The following ITGAM variants were observed in gnomAD, a reference collection of about 807,000 sequenced individuals.
ITGAM encodes the protein integrin subunit alpha M.
In ITGAM, 79 loss-of-function variants were observed where a neutral mutation model predicts 137.5. The ratio of observed to expected loss-of-function variants is 0.57; its 90% confidence interval spans 0.48 to 0.69. The LOEUF (loss-of-function observed/expected upper bound fraction) is 0.69. Among genes scored for constraint, ITGAM ranks in the 30% least tolerant of loss-of-function variants. The probability of loss-of-function intolerance (pLI) is 0.00; values close to 1 mark genes in which losing one functional copy is unlikely to be tolerated. For synonymous variants in ITGAM, 583 were observed against 592.3 expected (o/e 0.98, Z 0.23); for missense variants, 1,343 against 1,483.5 (o/e 0.91, Z 1.56).
At chr16:31,302,445 T>TTC (rs1475868517) in intron 14 of ITGAM, among the ~76,000 whole-genome samples, 5 of 109,546 alleles carry the variant, frequency 4.6e-5, no homozygotes, top group Non-Finnish European at 8.3e-5. Flanking sequence ...CTTTCTTTCT[T>TTC]TCTTTCTTCC....
In ITGAM at chr16:31,270,130, C is replaced by CTTTCCTT. The variant is rs770982735; in HGVS notation, c.428-823_428-822insTTCCTTT. On this transcript the variant is annotated intron_variant, in intron 5 of 29. Coordinates refer to ENST00000544665, the MANE Select transcript of ITGAM (RefSeq NM_000632.4). Reference sequence around the variant, plus strand: ...CCTTCCTTCCTTCCTTCCTTCCTTCCTCCTTTGCTTTCCTTTCCTTTCCTT... The same window carrying CTTTCCTT: ...CCTTCCTTCCTTCCTTCCTTCCTTCCTTTCCTTTCCTTTGCTTTCCTTTCCTTTCCTT... 4.6e-3 allele frequency among the ~76,000 whole-genome samples: 414 copies of CTTTCCTT among 90,450 alleles called. 4 individuals are homozygous for CTTTCCTT. The highest frequency in any genetic ancestry group is 0.015 in the African/African-American group (341 of 23,298). 59.3% of individuals were successfully genotyped at this position (90,450 alleles called of 152,430 possible).
rs942404757 is a variant in ITGAM at position 31,324,690 on chromosome 16, C to T, written c.2197C>T (p.Leu733=). ...CCCAGTGAGCCCCATTGTGCTGCGCCTGAACTTCTCTCTGGTGGGAACGCC... is the reference window on the plus strand; with the variant it reads ...CCCAGTGAGCCCCATTGTGCTGCGCTTGAACTTCTCTCTGGTGGGAACGCC... ...EDPVSPIVLR[L]NFSLVGTPLS... Residue 733 remains leucine, a synonymous_variant, in exon 18 of 30, where the codon CTG becomes TTG. Coordinates refer to ENST00000544665, the MANE Select transcript of ITGAM (RefSeq NM_000632.4). The surrounding 1 kb of genome is among the most constrained non-coding windows in gnomAD (Gnocchi z 4.5). The T allele has an allele frequency of 1.9e-6, 3 of 1,602,378 alleles. No homozygotes were observed. The highest frequency in any genetic ancestry group is 2.6e-6 in the Non-Finnish European group (3 of 1,175,114).
At chr16:31,314,389 CTTAAG>C (rs2080368453) in intron 14 of ITGAM, among the ~76,000 whole-genome samples, 1 of 152,048 alleles carries the variant, frequency 6.6e-6, no homozygotes, top group Non-Finnish European at 1.5e-5. Flanking sequence ...TTTAATCCAT[CTTAAG>C]TTAATTTTTA....
chr16:31,264,948 A>T (rs1249453297), intron 2 of ITGAM, among the ~76,000 whole-genome samples: 1 of 151,972 alleles, frequency 6.6e-6, no homozygotes, highest in Non-Finnish European at 1.5e-5. Context: ...GCTCACTGCA[A>T]CCTCTGCCTC....
In ITGAM at chr16:31,330,131, C is replaced by T. The variant is rs1263650888; in HGVS notation, c.3027C>T (p.Asp1009=). 5 of 1,613,750 alleles carry T rather than the reference C, an allele frequency of 3.1e-6. No homozygotes were observed. The highest frequency in any genetic ancestry group is 4.2e-6 in the Non-Finnish European group (5 of 1,179,828). The change falls in exon 26 of 30, where the codon GAC becomes GAT. Residue 1009 remains aspartate (D), a synonymous_variant. Coordinates refer to ENST00000544665, the MANE Select transcript of ITGAM (RefSeq NM_000632.4). ...AGGAGCGCTTGCCCTCTCACTCCGA[C>T]TTTCTGGCTGAGCTTCGGAAGGCCC... ...HTKERLPSHS[D]FLAELRKAPV... is the part of the protein sequence containing the mutation.
intron 14 of ITGAM, among the ~76,000 whole-genome samples, chr16:31,306,956 T>C (rs577707512): frequency 6.6e-6 from 1 of 150,630 alleles, no homozygotes; most frequent in African/African-American, 2.4e-5. Context: ...TTAATTGTTG[T>C]CTGAAAAACA....
chr16:31,262,343 CCTT>C (rs2079711765), intron 2 of ITGAM, among the ~76,000 whole-genome samples: 9 of 35,448 alleles, frequency 2.5e-4, no homozygotes, highest in African/African-American at 1.0e-3. Flanking sequence ...TTCCATCCTT[CCTT>C]CCTTCCTTCC....
intron 23 of ITGAM, 156 bp from the exon 24 acceptor site, chr16:31,329,072 T>TC: frequency 2.1e-6 from 1 of 474,540 alleles, no homozygotes; most frequent in South Asian, 1.9e-5. Context: ...CACACATTGG[T>TC]TCCCCCATCC....
rs903775163 is a variant in ITGAM at position 31,324,248 on chromosome 16, AAAGG to A, written c.2003-136_2003-133del. 1.1e-4 allele frequency: 63 copies of A among 571,618 alleles called. No individual in the cohort carries two copies. Among genetic ancestry groups the A allele is most frequent in the African/African-American group, 4.3e-4 (23 of 53,780 alleles). 35.4% of individuals were successfully genotyped at this position (571,618 alleles called of 1,614,324 possible). On this transcript the variant is annotated intron_variant, in intron 16 of 29. Coordinates refer to ENST00000544665, the MANE Select transcript of ITGAM (RefSeq NM_000632.4). This position sits in a 1 kb window ranked among gnomAD's most constrained non-coding sequence, Gnocchi z 4.5. Reference sequence around the variant, plus strand: ...AGCGAGGAAAGAAAGAAAGAAAGAAAAAGGAAGGAAGGAAGGAAAGAAGACTCAG... The same window carrying A: ...AGCGAGGAAAGAAAGAAAGAAAGAAAAAGGAAGGAAGGAAAGAAGACTCAG...
Position 31,324,668 on chromosome 16 carries a change from A to G in ITGAM, c.2175A>G (p.Pro725=). The G allele has an allele frequency of 1.2e-6, 2 of 1,602,798 alleles. No homozygotes were observed. The highest frequency in any genetic ancestry group is 2.2e-5 in the South Asian group (2 of 89,594). Residue 725 remains proline, a synonymous_variant, in exon 18 of 30, where the codon CCA becomes CCG. Transcript: ENST00000544665. This position sits in a 1 kb window ranked among gnomAD's most constrained non-coding sequence, Gnocchi z 4.5. The part of the protein sequence containing the change: ...KLQLPNCIED[P]VSPIVLRLNF... Reference sequence around the variant, plus strand: ...TCTCTTAGAATTGCATCGAGGACCCAGTGAGCCCCATTGTGCTGCGCCTGA... The same window carrying G: ...TCTCTTAGAATTGCATCGAGGACCCGGTGAGCCCCATTGTGCTGCGCCTGA...
chr16:31,289,008 T>A (rs907777436), intron 12 of ITGAM, among the ~76,000 whole-genome samples: 5 of 152,198 alleles, frequency 3.3e-5, no homozygotes, highest in African/African-American at 1.2e-4. Flanking sequence ...GAAAAAATGC[T>A]CATCATCACT....
rs559966343 is a variant in ITGAM at position 31,275,783 on chromosome 16, TC to T, written c.1009+86del. On this transcript the variant is annotated intron_variant, in intron 9 of 29. Coordinates refer to ENST00000544665, the MANE Select transcript of ITGAM (RefSeq NM_000632.4). Reference sequence around the variant, plus strand: ...ATAGTCCCCTCTAGAATCCAGACCTTCCTAACCCTTGGTATCCCCCAGCATC... The same window carrying T: ...ATAGTCCCCTCTAGAATCCAGACCTTCTAACCCTTGGTATCCCCCAGCATC... 128 of 1,391,432 alleles carry T rather than the reference TC, an allele frequency of 9.2e-5. 4 individuals carry two copies. The South Asian group carries it at 1.5e-3, about 17-fold the overall frequency. 86.2% of individuals were successfully genotyped at this position (1,391,432 alleles called of 1,614,324 possible). A position where few individuals can be genotyped will look rare whatever the true frequency, so the allele number is the denominator to read the frequency against.
intron 12 of ITGAM, among the ~76,000 whole-genome samples, chr16:31,278,768 AG>A (rs2079937098): frequency 6.6e-6 from 1 of 152,200 alleles, no homozygotes; most frequent in Non-Finnish European, 1.5e-5. Flanking sequence ...TTTAAGTTCT[AG>A]GGTACATGTG....
chr16:31,318,040 A>G (rs1238801587), intron 14 of ITGAM, among the ~76,000 whole-genome samples: 1 of 152,142 alleles, frequency 6.6e-6, no homozygotes, highest in Admixed American at 6.5e-5. Context: ...AGAAGCCACC[A>G]GGTCCTGGGC....
At chr16:31,272,458 TATATA>T (rs1324918391) in intron 7 of ITGAM, among the ~76,000 whole-genome samples, 15 of 11,592 alleles carry the variant, frequency 1.3e-3, no homozygotes, top group Admixed American at 2.7e-3. Flanking sequence ...TATATATATA[TATATA>T]TTTTTTTTTT....
At chr16:31,282,699 G>A (rs2079983200) in intron 12 of ITGAM, among the ~76,000 whole-genome samples, 1 of 152,152 alleles carries the variant, frequency 6.6e-6, no homozygotes, top group African/African-American at 2.4e-5. Context: ...CTTTTAATTG[G>A]AGCATTGAGC....
intron 12 of ITGAM, among the ~76,000 whole-genome samples, chr16:31,281,089 GC>G (rs1457142877): frequency 4.6e-5 from 7 of 152,146 alleles, no homozygotes; most frequent in Admixed American, 2.0e-4. Context: ...TGGTGGATAA[GC>G]TTTTTGATGT....
Position 31,331,876 on chromosome 16 carries a change from T to C in ITGAM, c.*169T>C. 1 of 560,312 alleles carries C rather than the reference T, an allele frequency of 1.8e-6. No individual in the cohort carries two copies. The highest frequency in any genetic ancestry group is 2.1e-5 in the African/African-American group (1 of 46,818). 34.7% of individuals were successfully genotyped at this position (560,312 alleles called of 1,614,324 possible). A position where few individuals can be genotyped will look rare whatever the true frequency, so the allele number is the denominator to read the frequency against. ...GTGTATGTGCGTGTGTGCAAGTGTC[T>C]GTGTGCAAGTGTGTGCACATGTGTG... is the stretch of plus-strand genomic sequence containing the variant. On this transcript the variant is annotated 3_prime_UTR_variant, in exon 30 of 30. Coordinates refer to ENST00000544665, the MANE Select transcript of ITGAM (RefSeq NM_000632.4).
Position 31,286,693 on chromosome 16 carries a change from GTTAT to G in ITGAM, c.1356+8587_1356+8590del, listed in dbSNP as rs199683191. On this transcript the variant is annotated intron_variant, in intron 12 of 29. Coordinates refer to ENST00000544665, the MANE Select transcript of ITGAM (RefSeq NM_000632.4). ...TGTCCTTTACCCACTTTTTAATGGG[GTTAT>G]TTGTTTCTTGCTTGTTGATTTGTTG... 8.3e-3 allele frequency among the ~76,000 whole-genome samples: 1,268 copies of G among 152,210 alleles called. 1 individual carries two copies. Among genetic ancestry groups the G allele is most frequent in the African/African-American group, 0.012 (506 of 41,558 alleles).
Sources: allele counts gnomAD v4.1 joint callset (sites outside exome capture counted in the v4.1 genomes callset), GRCh38; gene constraint gnomAD v4.1.1; non-coding constraint Gnocchi (gnomAD v3.1); transcripts MANE v1.5; gene names NCBI Gene and HGNC (gene_info 2026-07-23, HGNC 2026-07-21).